Variants in TRAF3 observed in about 807,000 individuals in gnomAD.
TRAF3 encodes the protein TNF receptor associated factor 3.
In TRAF3, 13 loss-of-function variants were observed where a neutral mutation model predicts 62.3. The observed-to-expected ratio is 0.21, with a 90% CI of 0.14 to 0.33. TRAF3 has a LOEUF of 0.33. Ranked by LOEUF, TRAF3 falls within the 10% of genes least tolerant of loss-of-function variation. The pLI is 1.00. For missense variants in TRAF3, 440 were observed against 741.8 expected (o/e 0.59, Z 4.73); for synonymous variants, 269 against 283.4 (o/e 0.95, Z 0.51).
At chr14:102,797,502 C>T (rs762688281) in intron 1 of TRAF3, among the ~76,000 whole-genome samples, 24 of 152,078 alleles carry the variant, frequency 1.6e-4, no homozygotes, top group Non-Finnish European at 3.1e-4. Context: ...TGGCGTCCCT[C>T]CTGCAGAAAC....
intron 9 of TRAF3, among the ~76,000 whole-genome samples, chr14:102,894,572 G>T (rs959323460): frequency 6.6e-6 from 1 of 152,132 alleles, no homozygotes; most frequent in Non-Finnish European, 1.5e-5. Flanking sequence ...GCATCTCCCT[G>T]CTAGAAGAGT....
At chr14:102,816,382 C>T (rs1180182056) in intron 1 of TRAF3, among the ~76,000 whole-genome samples, 1 of 152,204 alleles carries the variant, frequency 6.6e-6, no homozygotes, top group Non-Finnish European at 1.5e-5. Context: ...CGATTACATG[C>T]ATTAGCTACC....
intron 1 of TRAF3, among the ~76,000 whole-genome samples, chr14:102,811,939 T>TTTTG (rs1899204583): frequency 7.8e-6 from 1 of 128,524 alleles, no homozygotes; most frequent in African/African-American, 3.3e-5. Context: ...TTTTTTTTTT[T>TTTTG]TTTTGTACAG....
rs986574559 is a variant in TRAF3 at position 102,905,890 on chromosome 14, G to A, written c.*106G>A. On this transcript the variant is annotated 3_prime_UTR_variant, in exon 12 of 12. Coordinates refer to ENST00000392745, the MANE Select transcript of TRAF3 (RefSeq NM_145725.3). ...CGCTCAGAAAAGGACCTTGTGAGAC[G>A]GAGGAAGCGGCAGAAGGCGGACGCG... The A allele has an allele frequency of 8.3e-6, 9 of 1,084,470 alleles. No homozygotes were observed. Among genetic ancestry groups the A allele is most frequent in the African/African-American group, 6.4e-5 (4 of 62,494 alleles). 67.2% of individuals were successfully genotyped at this position (1,084,470 alleles called of 1,614,324 possible). A position where few individuals can be genotyped will look rare whatever the true frequency, so the allele number is the denominator to read the frequency against.
chr14:102,785,349 G>A (rs1897445901), intron 1 of TRAF3, among the ~76,000 whole-genome samples: 1 of 152,212 alleles, frequency 6.6e-6, no homozygotes, highest in South Asian at 2.1e-4. Flanking sequence ...TCTTTACGCA[G>A]TGGCTCAGAT....
rs1456536941 is a variant in TRAF3 at position 102,906,572 on chromosome 14, A to G, written c.*788A>G. On this transcript the variant is annotated 3_prime_UTR_variant, in exon 12 of 12. Transcript: ENST00000392745. ...AAACCTTCAAATATCTGTCGTAGTT[A>G]ATGACACGACTTCACAATTCTGAAC... The G allele has an allele frequency of 1.3e-5, 2 of 152,242 alleles. No homozygotes were observed. Among genetic ancestry groups the G allele is most frequent in the African/African-American group, 4.8e-5 (2 of 41,462 alleles). 9.4% of individuals were successfully genotyped at this position (152,242 alleles called of 1,614,324 possible).
intron 2 of TRAF3, among the ~76,000 whole-genome samples, chr14:102,846,342 A>T (rs1886719241): frequency 6.6e-6 from 1 of 152,204 alleles, no homozygotes; most frequent in South Asian, 2.1e-4. Context: ...CAGCAATGAA[A>T]ATAAACTACA....
At chr14:102,791,931 G>C (rs897975029) in intron 1 of TRAF3, among the ~76,000 whole-genome samples, 1 of 151,536 alleles carries the variant, frequency 6.6e-6, no homozygotes, top group African/African-American at 2.4e-5. Context: ...TCTCACCTCA[G>C]CCTCCTGAGT....
intron 1 of TRAF3, among the ~76,000 whole-genome samples, chr14:102,795,598 A>G (rs28623291): frequency 0.62 from 92,167 of 149,242 alleles, 28,742 homozygotes; most frequent in Middle Eastern, 0.75. Context: ...ATATGTATAT[A>G]TGTGTGTGTG....
intron 2 of TRAF3, among the ~76,000 whole-genome samples, chr14:102,834,862 C>G (rs1885896554): frequency 6.6e-6 from 1 of 152,042 alleles, no homozygotes; most frequent in Admixed American, 6.6e-5. Context: ...GAAGAAAACA[C>G]AAAAAGCAAT....
intron 2 of TRAF3, among the ~76,000 whole-genome samples, chr14:102,834,548 G>A (rs1286384759): frequency 3.3e-5 from 5 of 151,944 alleles, no homozygotes; most frequent in African/African-American, 9.7e-5. Context: ...TTAGCCGGGC[G>A]TGGTGGCGGG....
chr14:102,884,879 C>T (rs1889284822), intron 6 of TRAF3, among the ~76,000 whole-genome samples: 1 of 152,240 alleles, frequency 6.6e-6, no homozygotes, highest in Non-Finnish European at 1.5e-5. Flanking sequence ...TTGCAGGTCC[C>T]ACTCACCCCA....
chr14:102,834,308 C>T (rs1315181526), intron 2 of TRAF3, among the ~76,000 whole-genome samples: 1 of 152,190 alleles, frequency 6.6e-6, no homozygotes, highest in Non-Finnish European at 1.5e-5. Flanking sequence ...ACAACCATCT[C>T]ATCTTCGACA....
chr14:102,803,030 C>T (rs557577509), intron 1 of TRAF3, among the ~76,000 whole-genome samples: 9 of 152,226 alleles, frequency 5.9e-5, no homozygotes, highest in South Asian at 4.2e-4. Flanking sequence ...CATCAGATCT[C>T]GTGAGAACTC....
At chr14:102,805,206 C>T (rs1417710188) in intron 1 of TRAF3, among the ~76,000 whole-genome samples, 1 of 152,190 alleles carries the variant, frequency 6.6e-6, no homozygotes, top group African/African-American at 2.4e-5. Context: ...CATCACCACT[C>T]CCATCATGGG....
chr14:102,886,225 T>A lies in TRAF3; in HGVS notation c.607T>A (p.Ser203Thr), dbSNP rs778307956. 3.1e-6 allele frequency: 5 copies of A among 1,612,698 alleles called. No individual in the cohort carries two copies. The East Asian group carries it at 1.1e-4, about 36-fold the overall frequency. ...EDTDCPCVVV[S>T]CPHKCSVQTL... is the part of the protein sequence containing the mutation. ...CACCGACTGTCCCTGCGTGGTGGTG[T>A]CCTGCCCTCACAAGTGCAGCGTCCA... Residue 203 changes from serine (S) to threonine (T), a missense_variant, in exon 7 of 12, where the codon TCC (serine) becomes ACC (threonine). Coordinates refer to ENST00000392745, the MANE Select transcript of TRAF3 (RefSeq NM_145725.3).
At chr14:102,867,536 C>T (rs983252942) in intron 2 of TRAF3, among the ~76,000 whole-genome samples, 13 of 151,916 alleles carry the variant, frequency 8.6e-5, no homozygotes, top group African/African-American at 2.9e-4. Flanking sequence ...TGGAGAAGGT[C>T]GGGGGCTGGA....
chr14:102,785,362 T>C (rs1897447262), intron 1 of TRAF3, among the ~76,000 whole-genome samples: 1 of 152,232 alleles, frequency 6.6e-6, no homozygotes, highest in Non-Finnish European at 1.5e-5. Flanking sequence ...GCTCAGATGC[T>C]TCTTACAGCT....
chr14:102,900,979 G>A (rs1464426770), intron 10 of TRAF3, among the ~76,000 whole-genome samples: 3 of 152,204 alleles, frequency 2.0e-5, no homozygotes, highest in Non-Finnish European at 2.9e-5. Context: ...CGTTTGCTGC[G>A]TTTTAGAGAA....
Sources: allele counts gnomAD v4.1 joint callset (sites outside exome capture counted in the v4.1 genomes callset), GRCh38; gene constraint gnomAD v4.1.1; transcripts MANE v1.5; gene names NCBI Gene and HGNC (gene_info 2026-07-23, HGNC 2026-07-21).